Variants in PLEK observed in about 807,000 individuals in gnomAD.
PLEK encodes the protein pleckstrin.
In PLEK, 25 loss-of-function variants were observed where a neutral mutation model predicts 43.9. The ratio of observed to expected loss-of-function variants is 0.57; its 90% CI spans 0.41 to 0.79. The LOEUF (loss-of-function observed/expected upper bound fraction) is 0.79, where lower values mean the gene tolerates loss of function less well. Among genes scored for constraint, PLEK ranks in the 30% least tolerant of loss-of-function variants. PLEK has a pLI of 0.00. For synonymous variants in PLEK, 152 were observed against 144.4 expected, an observed-to-expected ratio of 1.05 and a Z score of -0.38; for missense variants, 396 against 413.3, an observed-to-expected ratio of 0.96 and a Z score of 0.36.
At chr2:68,395,114 T>G (rs531627320) in intron 8 of PLEK, among the ~76,000 whole-genome samples, 79 of 152,120 alleles carry the variant, frequency 5.2e-4, no homozygotes, top group African/African-American at 1.8e-3. Flanking sequence ...TAGTGCTTGA[T>G]GAAAAACAGT....
rs147637803 is a variant in PLEK at position 68,380,431 on chromosome 2, C to T, written c.146C>T (p.Pro49Leu). Residue 49 changes from proline (P) to leucine (L), a missense_variant, in exon 2 of 9, where the codon CCG becomes CTG. By Grantham distance (98) the Pro-to-Leu change is moderately conservative. Coordinates refer to ENST00000234313, the MANE Select transcript of PLEK (RefSeq NM_002664.3). Reference protein sequence around the residue: ...KSDNSPKGMIPLKGSTLTSPC... With the variant: ...KSDNSPKGMILLKGSTLTSPC... ...GACAACAGCCCCAAAGGAATGATCC[C>T]GCTGAAAGGGAGCACTCTGACTAGC... 1.7e-5 allele frequency: 27 copies of T among 1,613,806 alleles called. No individual in the cohort carries two copies. The highest frequency in any genetic ancestry group is 4.0e-5 in the African/African-American group (3 of 74,904).
At chr2:68,384,986 G>A (rs1573077729) in intron 4 of PLEK, among the ~76,000 whole-genome samples, 1 of 152,216 alleles carries the variant, frequency 6.6e-6, no homozygotes, top group East Asian at 1.9e-4. Flanking sequence ...TTCATGGAAG[G>A]CTCGCTATCC....
At position 68,395,603 on chromosome 2, in the gene PLEK, A is replaced by G. The variant is rs183088981; in HGVS notation, c.917-77A>G. The G allele has an allele frequency of 2.1e-4, 317 of 1,488,322 alleles. 2 individuals are homozygous for G. In the African/African-American group the frequency reaches 4.0e-3, roughly 19 times the overall value. The allele number at this position is 1,488,322 out of a possible 1,614,324, so 92.2% of individuals were successfully genotyped here. A position where few individuals can be genotyped will look rare whatever the true frequency, so the allele number is the denominator to read the frequency against. ...AGAACACGAAGAAAACAGAGATTTC[A>G]TGGCTTGCAGAGGAGGGTGGAGCAA... On this transcript the variant is annotated intron_variant, in intron 8 of 8. Coordinates refer to ENST00000234313, the MANE Select transcript of PLEK (RefSeq NM_002664.3).
intron 6 of PLEK, among the ~76,000 whole-genome samples, chr2:68,391,728 G>T (rs1029869983): frequency 6.6e-6 from 1 of 152,200 alleles, no homozygotes; most frequent in Non-Finnish European, 1.5e-5. Flanking sequence ...AATGAAAAAT[G>T]TTGGAAAATT....
chr2:68,380,812 CAAG>C lies in PLEK; in HGVS notation c.292_294del (p.Lys98del). 1 of 1,613,962 alleles carries C rather than the reference CAAG, an allele frequency of 6.2e-7. No homozygotes were observed. The highest frequency in any genetic ancestry group is 1.1e-5 in the South Asian group (1 of 91,082). On this transcript the variant is annotated inframe_deletion, in exon 3 of 9. Transcript: ENST00000234313. Reference sequence around the variant, plus strand: ...AGAGAGATGCCTGGGTTCGGGATATCAAGAAGGCCATTAAATGCATTGAAGGAG... The same window carrying C: ...AGAGAGATGCCTGGGTTCGGGATATCAAGGCCATTAAATGCATTGAAGGAG...
chr2:68,374,945 C>T (rs773949016), intron 1 of PLEK, among the ~76,000 whole-genome samples: 1 of 152,044 alleles, frequency 6.6e-6, no homozygotes, highest in African/African-American at 2.4e-5. Context: ...TGTTGATGGG[C>T]ATTTGGGTTA....
At chr2:68,385,133 A>C (rs543017114) in intron 4 of PLEK, among the ~76,000 whole-genome samples, 6 of 152,300 alleles carry the variant, frequency 3.9e-5, no homozygotes, top group African/African-American at 1.4e-4. Context: ...TATCTTTTTT[A>C]ATTGACACAT....
intron 1 of PLEK, among the ~76,000 whole-genome samples, chr2:68,371,859 C>A (rs776168149): frequency 2.0e-5 from 3 of 152,152 alleles, no homozygotes; most frequent in Non-Finnish European, 4.4e-5. Context: ...CCCACATGCT[C>A]ATTTCCCACA....
At position 68,396,092 on chromosome 2, in the gene PLEK, CCT is replaced by C; in HGVS notation, c.*279_*280del. ...TGCTTGCCCTCTCCAGGCCTCAGGG[CCT>C]CTTCTGGAAAATGAAGAAATTCAAC... On this transcript the variant is annotated 3_prime_UTR_variant, in exon 9 of 9. Coordinates refer to ENST00000234313, the MANE Select transcript of PLEK (RefSeq NM_002664.3). 1 of 330,064 alleles carries C rather than the reference CCT, an allele frequency of 3.0e-6. No individual in the cohort carries two copies. Among genetic ancestry groups the C allele is most frequent in the Non-Finnish European group, 5.6e-6 (1 of 178,730 alleles). 20.4% of individuals were successfully genotyped at this position (330,064 alleles called of 1,614,324 possible).
At chr2:68,393,699 G>C (rs1053042322) in intron 7 of PLEK, among the ~76,000 whole-genome samples, 2 of 152,176 alleles carry the variant, frequency 1.3e-5, no homozygotes, top group African/African-American at 4.8e-5. Flanking sequence ...ACAACTCTGG[G>C]TAGGGTGCTC....
chr2:68,387,326 A>C (rs1673767816), intron 5 of PLEK, among the ~76,000 whole-genome samples: 2 of 152,234 alleles, frequency 1.3e-5, no homozygotes, highest in Admixed American at 6.5e-5. Context: ...ACCCTAGTCC[A>C]TGGCAAGCAT....
intron 1 of PLEK, among the ~76,000 whole-genome samples, chr2:68,366,167 C>T (rs772831215): frequency 2.6e-5 from 4 of 152,208 alleles, no homozygotes; most frequent in Non-Finnish European, 5.9e-5. Flanking sequence ...CACCTATATA[C>T]ACAGATATGC....
intron 1 of PLEK, among the ~76,000 whole-genome samples, chr2:68,379,338 T>G (rs1369044574): frequency 6.6e-6 from 1 of 152,042 alleles, no homozygotes; most frequent in Non-Finnish European, 1.5e-5. Flanking sequence ...TGAAAACCAC[T>G]AGGCTTTAGA....
intron 1 of PLEK, among the ~76,000 whole-genome samples, chr2:68,371,895 T>C (rs1673415773): frequency 6.6e-6 from 1 of 152,210 alleles, no homozygotes; most frequent in Non-Finnish European, 1.5e-5. Context: ...CAAAATATTA[T>C]TAAAGAGAAA....
At chr2:68,389,724 G>T (rs1013411531) in intron 6 of PLEK, among the ~76,000 whole-genome samples, 2 of 152,128 alleles carry the variant, frequency 1.3e-5, no homozygotes, top group African/African-American at 2.4e-5. Context: ...TTATGACAGG[G>T]TGACCAGCTG....
intron 1 of PLEK, among the ~76,000 whole-genome samples, chr2:68,367,770 T>G (rs921364380): frequency 1.6e-4 from 24 of 152,246 alleles, no homozygotes; most frequent in Admixed American, 1.4e-3. Context: ...AAATTAATTA[T>G]GAAGGAAGGG....
intron 6 of PLEK, among the ~76,000 whole-genome samples, chr2:68,392,078 G>A (rs1673870495): frequency 6.6e-6 from 1 of 151,480 alleles, no homozygotes; most frequent in Admixed American, 6.6e-5. Context: ...TAATTCTGTT[G>A]GGAAAGGCCA....
intron 1 of PLEK, among the ~76,000 whole-genome samples, chr2:68,376,518 T>C (rs1303683394): frequency 1.3e-5 from 2 of 152,206 alleles, no homozygotes; most frequent in African/African-American, 4.8e-5. Flanking sequence ...TTAGGAAATA[T>C]TGTCACACTT....
chr2:68,369,520 G>C (rs1459072552), intron 1 of PLEK, among the ~76,000 whole-genome samples: 1 of 125,152 alleles, frequency 8.0e-6, no homozygotes, highest in Non-Finnish European at 1.7e-5. Context: ...TTTTGCTCTT[G>C]TTGCCCAGGC....
Sources: allele counts gnomAD v4.1 joint callset (sites outside exome capture counted in the v4.1 genomes callset), GRCh38; gene constraint gnomAD v4.1.1; transcripts MANE v1.5; gene names NCBI Gene and HGNC (gene_info 2026-07-23, HGNC 2026-07-21).